INAFM1: variants seen among roughly 807,000 people sequenced by gnomAD.
INAFM1 encodes the protein InaF motif containing 1, also known as putative transmembrane protein INAFM1.
Under a neutral mutation model 9.4 loss-of-function variants are expected in INAFM1, and 11 were observed. The observed-to-expected ratio is 1.17, with a 90% CI of 0.74 to 1.94. The LOEUF is 1.94. INAFM1 is among the 30% of genes most tolerant of loss of function. The pLI, the probability that INAFM1 is intolerant of heterozygous loss-of-function variation, is 0.00. For synonymous variants in INAFM1, 161 were observed against 109.5 expected (o/e 1.47, Z -2.94); for missense variants, 318 against 221.6 (o/e 1.44, Z -2.76).
rs1313754249 is a variant in INAFM1, at chr19:47,275,011, C to G, written c.92C>G (p.Ala31Gly). ...CCGCGGGGGCGCTGGCTGCGCTTGG[C>G]TCCGGTATGCGCCTACTTCCTCTGC... ...EGPRGRWLRLAPVCAYFLCVS... is the reference protein window; with the variant it reads ...EGPRGRWLRLGPVCAYFLCVS... The change falls in exon 1 of 1, where the codon GCT (alanine) becomes GGT (glycine). Residue 31 changes from alanine (A) to glycine (G), a missense_variant. Physicochemically the swap from Ala to Gly is moderately conservative, Grantham distance 60 (BLOSUM62 0). Transcript: ENST00000552360. 6.8e-7 allele frequency: 1 copy of G among 1,479,440 alleles called. No individual in the cohort carries two copies. The highest frequency in any genetic ancestry group is 3.0e-5 in the East Asian group (1 of 33,622). The allele number at this position is 1,479,440 out of a possible 1,614,324, so 91.6% of individuals were successfully genotyped here. A position where few individuals can be genotyped will look rare whatever the true frequency, so the allele number is the denominator to read the frequency against.
Position 47,275,429 on chromosome 19 carries a change from G to A in INAFM1, c.*81G>A, listed in dbSNP as rs1600299285. ...CCGAGGATGCACCGTCTCTGGATTG[G>A]TCCGGCCTTCTTCCTAATGACATCG... On this transcript the variant is annotated 3_prime_UTR_variant, in exon 1 of 1. Coordinates refer to ENST00000552360, the MANE Select transcript of INAFM1 (RefSeq NM_178511.6). 2.1e-6 allele frequency: 3 copies of A among 1,456,780 alleles called. No homozygotes were observed. Among genetic ancestry groups the A allele is most frequent in the East Asian group, 5.9e-5 (2 of 34,090 alleles). The allele number at this position is 1,456,780 out of a possible 1,614,324, so 90.2% of individuals were successfully genotyped here. A position where few individuals can be genotyped will look rare whatever the true frequency, so the allele number is the denominator to read the frequency against.
chr19:47,275,534 T>A lies in INAFM1; in HGVS notation c.*186T>A. 4 of 789,812 alleles carry A rather than the reference T, an allele frequency of 5.1e-6. No individual in the cohort carries two copies. The highest frequency in any genetic ancestry group is 7.7e-6 in the Non-Finnish European group (4 of 517,686). The allele number at this position is 789,812 out of a possible 1,614,324, so 48.9% of individuals were successfully genotyped here. On this transcript the variant is annotated 3_prime_UTR_variant, in exon 1 of 1. Coordinates refer to ENST00000552360, the MANE Select transcript of INAFM1 (RefSeq NM_178511.6). Reference sequence around the variant, plus strand: ...TCGGGGCCTTGCCTCTTGCAGCTACTCTGTGGTCAGGCCGGGTCCTCCACC... The same window carrying A: ...TCGGGGCCTTGCCTCTTGCAGCTACACTGTGGTCAGGCCGGGTCCTCCACC...
chr19:47,275,680 G>A lies in INAFM1; in HGVS notation c.*332G>A, dbSNP rs142374177. On this transcript the variant is annotated 3_prime_UTR_variant, in exon 1 of 1. Coordinates refer to ENST00000552360, the MANE Select transcript of INAFM1 (RefSeq NM_178511.6). ...GAATCCGTGTCCATCTGCAATAAAC[G>A]ACAGCCTCGGCTGCCTCGTGCTGTG... The A allele has an allele frequency of 4.2e-4, 156 of 374,870 alleles. No homozygotes were observed. In the East Asian group the frequency reaches 7.8e-3, roughly 19 times the overall value. The allele number at this position is 374,870 out of a possible 1,614,324, so 23.2% of individuals were successfully genotyped here.
rs2059154533 is a variant in INAFM1, at chr19:47,275,511, G to A, written c.*163G>A. 11 of 1,010,316 alleles carry A rather than the reference G, an allele frequency of 1.1e-5. No homozygotes were observed. The East Asian group carries it at 2.8e-4, about 26-fold the overall frequency. The allele number at this position is 1,010,316 out of a possible 1,614,324, so 62.6% of individuals were successfully genotyped here. ...ATGGGGGCCCAGGGGGTGTCAGCTC[G>A]GGGCCTTGCCTCTTGCAGCTACTCT... On this transcript the variant is annotated 3_prime_UTR_variant, in exon 1 of 1. Coordinates refer to ENST00000552360, the MANE Select transcript of INAFM1 (RefSeq NM_178511.6).
chr19:47,275,135 G>T lies in INAFM1; in HGVS notation c.216G>T (p.Pro72=). The T allele has an allele frequency of 6.7e-7, 1 of 1,489,884 alleles. No individual in the cohort carries two copies. 92.3% of individuals were successfully genotyped at this position (1,489,884 alleles called of 1,614,324 possible). Residue 72 remains proline, a synonymous_variant, in exon 1 of 1, where the codon CCG becomes CCT. Transcript: ENST00000552360. ...CCGCCGGCCCACAGCCCAGCGCGCC[G>T]TCCCCTCCGTGTGCTGCCCGCCCGG... The part of the protein sequence containing the change: ...AAPAGPQPSA[P]SPPCAARPGV...
chr19:47,275,132 G>A lies in INAFM1; in HGVS notation c.213G>A (p.Ala71=), dbSNP rs1222730650. 16 of 1,489,916 alleles carry A rather than the reference G, an allele frequency of 1.1e-5. No homozygotes were observed. Among genetic ancestry groups the A allele is most frequent in the East Asian group, 5.8e-5 (2 of 34,724 alleles). The allele number at this position is 1,489,916 out of a possible 1,614,324, so 92.3% of individuals were successfully genotyped here. Residue 71 remains alanine, a synonymous_variant, in exon 1 of 1, where the codon GCG becomes GCA. Coordinates refer to ENST00000552360, the MANE Select transcript of INAFM1 (RefSeq NM_178511.6). ...CACCCGCCGGCCCACAGCCCAGCGC[G>A]CCGTCCCCTCCGTGTGCTGCCCGCC... ...PAAPAGPQPS[A]PSPPCAARPG...
chr19:47,275,183 C>T lies in INAFM1; in HGVS notation c.264C>T (p.Pro88=), dbSNP rs1032403033. 4 of 1,471,678 alleles carry T rather than the reference C, an allele frequency of 2.7e-6. No individual in the cohort carries two copies. Among genetic ancestry groups the T allele is most frequent in the Non-Finnish European group, 3.6e-6 (4 of 1,117,792 alleles). 91.2% of individuals were successfully genotyped at this position (1,471,678 alleles called of 1,614,324 possible). A position where few individuals can be genotyped will look rare whatever the true frequency, so the allele number is the denominator to read the frequency against. ...ARPGVPPVPA[P]AAASLSCLLG... is the part of the protein sequence containing the mutation. ...CGGGCGTGCCGCCTGTCCCGGCGCC[C>T]GCCGCTGCCTCCCTCTCCTGCCTCC... Residue 88 remains proline, a synonymous_variant, in exon 1 of 1, where the codon CCC becomes CCT. Transcript: ENST00000552360.
chr19:47,274,635 T>G, upstream of INAFM1: 7 of 172,934 alleles, frequency 4.0e-5, no homozygotes, highest in East Asian at 1.3e-4. Flanking sequence ...AGAACCGTGT[T>G]GTGGCGGGAG....
upstream of INAFM1, chr19:47,274,853 T>TG (rs1280964502): frequency 1.2e-6 from 1 of 840,110 alleles, no homozygotes; most frequent in East Asian, 9.9e-5. Flanking sequence ...GTCTGCGGGG[T>TG]GGGGGCGGGG....
Position 47,275,415 on chromosome 19 carries a change from C to T in INAFM1, c.*67C>T. On this transcript the variant is annotated 3_prime_UTR_variant, in exon 1 of 1. Coordinates refer to ENST00000552360, the MANE Select transcript of INAFM1 (RefSeq NM_178511.6). ...CTCTGTGCTCCACGCCGAGGATGCA[C>T]CGTCTCTGGATTGGTCCGGCCTTCT... 3 of 1,497,850 alleles carry T rather than the reference C, an allele frequency of 2.0e-6. No individual in the cohort carries two copies. The highest frequency in any genetic ancestry group is 2.7e-6 in the Non-Finnish European group (3 of 1,121,060). The allele number at this position is 1,497,850 out of a possible 1,614,324, so 92.8% of individuals were successfully genotyped here. A position where few individuals can be genotyped will look rare whatever the true frequency, so the allele number is the denominator to read the frequency against.
At position 47,275,088 on chromosome 19, in the gene INAFM1, C is replaced by G. The variant is rs1032331008; in HGVS notation, c.169C>G (p.Pro57Ala). ...CGTGTACTACGGTCTCATCTGGGTA[C>G]CCACGCGGTCTCCCGCGGCACCCGC... ...LAVYYGLIWV[P>A]TRSPAAPAGP... Residue 57 changes from proline (P) to alanine (A), a missense_variant, in exon 1 of 1, where the codon CCC becomes GCC. By Grantham distance (27) the Pro-to-Ala change is conservative. Coordinates refer to ENST00000552360, the MANE Select transcript of INAFM1 (RefSeq NM_178511.6). The G allele has an allele frequency of 2.7e-5, 40 of 1,495,188 alleles. No homozygotes were observed. The highest frequency in any genetic ancestry group is 3.1e-5 in the Non-Finnish European group (35 of 1,125,960). The allele number at this position is 1,495,188 out of a possible 1,614,324, so 92.6% of individuals were successfully genotyped here. A position where few individuals can be genotyped will look rare whatever the true frequency, so the allele number is the denominator to read the frequency against.
rs2059148970 is a variant in INAFM1, at chr19:47,275,073, G to T, written c.154G>T (p.Gly52Cys). 2.0e-6 allele frequency: 3 copies of T among 1,496,524 alleles called. No individual in the cohort carries two copies. Among genetic ancestry groups the T allele is most frequent in the Admixed American group, 2.2e-5 (1 of 45,484 alleles). 92.7% of individuals were successfully genotyped at this position (1,496,524 alleles called of 1,614,324 possible). ...LAAVLLAVYY[G>C]LIWVPTRSPA... is the part of the protein sequence containing the mutation. ...TGCCGTGCTGCTCGCCGTGTACTAC[G>T]GTCTCATCTGGGTACCCACGCGGTC... The change falls in exon 1 of 1, where the codon GGT (glycine) becomes TGT (cysteine). Residue 52 changes from glycine to cysteine, a missense_variant. By Grantham distance (159) the Gly-to-Cys change is radical. Coordinates refer to ENST00000552360, the MANE Select transcript of INAFM1 (RefSeq NM_178511.6).
At position 47,275,441 on chromosome 19, in the gene INAFM1, T is replaced by G; in HGVS notation, c.*93T>G. 1 of 1,424,446 alleles carries G rather than the reference T, an allele frequency of 7.0e-7. No homozygotes were observed. The highest frequency in any genetic ancestry group is 9.3e-7 in the Non-Finnish European group (1 of 1,079,708). 88.2% of individuals were successfully genotyped at this position (1,424,446 alleles called of 1,614,324 possible). ...CGTCTCTGGATTGGTCCGGCCTTCT[T>G]CCTAATGACATCGCTCAGCGTCTCT... On this transcript the variant is annotated 3_prime_UTR_variant, in exon 1 of 1. Transcript: ENST00000552360.
chr19:47,274,887 G>C lies in INAFM1; in HGVS notation c.-33G>C, dbSNP rs2059146685. The C allele has an allele frequency of 8.0e-7, 1 of 1,252,654 alleles. No homozygotes were observed. The highest frequency in any genetic ancestry group is 9.9e-7 in the Non-Finnish European group (1 of 1,005,878). 77.6% of individuals were successfully genotyped at this position (1,252,654 alleles called of 1,614,324 possible). ...GGCCTGGTGGGGGCGGGGCCTGTGC[G>C]GTCTGCGGCGCGGAGCCGAGTGGGC... On this transcript the variant is annotated 5_prime_UTR_variant, in exon 1 of 1. Coordinates refer to ENST00000552360, the MANE Select transcript of INAFM1 (RefSeq NM_178511.6).
chr19:47,275,243 G>C lies in INAFM1; in HGVS notation c.324G>C (p.Gln108His), dbSNP rs1233658694. The change falls in exon 1 of 1, where the codon CAG becomes CAC. Residue 108 changes from glutamine (Q) to histidine (H), a missense_variant. Physicochemically the swap from Gln to His is conservative, Grantham distance 24. Coordinates refer to ENST00000552360, the MANE Select transcript of INAFM1 (RefSeq NM_178511.6). ...CCGGCGGGCCGCGACCCCAGCTCCA[G>C]CTGCCGCTGAGCCGCCGCCGCCGCT... ...GVPGGPRPQL[Q>H]LPLSRRRRYS... 6.5e-7 allele frequency: 1 copy of C among 1,536,656 alleles called. No individual in the cohort carries two copies. The highest frequency in any genetic ancestry group is 2.0e-5 in the Admixed American group (1 of 50,410).
Position 47,275,140 on chromosome 19 carries a change from C to T in INAFM1, c.221C>T (p.Pro74Leu). 2 of 1,491,616 alleles carry T rather than the reference C, an allele frequency of 1.3e-6. No homozygotes were observed. The highest frequency in any genetic ancestry group is 2.5e-5 in the South Asian group (2 of 79,014). The allele number at this position is 1,491,616 out of a possible 1,614,324, so 92.4% of individuals were successfully genotyped here. Residue 74 changes from proline to leucine, a missense_variant, in exon 1 of 1, where the codon CCT becomes CTT. Physicochemically the swap from Pro to Leu is moderately conservative, Grantham distance 98 (BLOSUM62 -3). Coordinates refer to ENST00000552360, the MANE Select transcript of INAFM1 (RefSeq NM_178511.6). ...GGCCCACAGCCCAGCGCGCCGTCCC[C>T]TCCGTGTGCTGCCCGCCCGGGCGTG... The part of the protein sequence containing the change: ...PAGPQPSAPS[P>L]PCAARPGVPP...
In INAFM1 at chr19:47,275,080, T is replaced by G. The variant is rs991235334; in HGVS notation, c.161T>G (p.Ile54Ser). The G allele has an allele frequency of 1.3e-6, 2 of 1,496,186 alleles. No homozygotes were observed. Among genetic ancestry groups the G allele is most frequent in the Non-Finnish European group, 1.8e-6 (2 of 1,126,450 alleles). 92.7% of individuals were successfully genotyped at this position (1,496,186 alleles called of 1,614,324 possible). Reference protein sequence around the residue: ...AVLLAVYYGLIWVPTRSPAAP... With the variant: ...AVLLAVYYGLSWVPTRSPAAP... ...CTGCTCGCCGTGTACTACGGTCTCA[T>G]CTGGGTACCCACGCGGTCTCCCGCG... Residue 54 changes from isoleucine to serine, a missense_variant, in exon 1 of 1, where the codon ATC becomes AGC. Transcript: ENST00000552360.
chr19:47,275,365 A>G lies in INAFM1; in HGVS notation c.*17A>G. ...CCCGGGTAACTCTCCCTTCCACCCCAACCCGGATCGCCAGCCCTCGAGAGC... is the reference window on the plus strand; with the variant it reads ...CCCGGGTAACTCTCCCTTCCACCCCGACCCGGATCGCCAGCCCTCGAGAGC... On this transcript the variant is annotated 3_prime_UTR_variant, in exon 1 of 1. Coordinates refer to ENST00000552360, the MANE Select transcript of INAFM1 (RefSeq NM_178511.6). 3 of 1,532,878 alleles carry G rather than the reference A, an allele frequency of 2.0e-6. No homozygotes were observed. The highest frequency in any genetic ancestry group is 2.6e-6 in the Non-Finnish European group (3 of 1,138,846). 95.0% of individuals were successfully genotyped at this position (1,532,878 alleles called of 1,614,324 possible).
Position 47,275,546 on chromosome 19 carries a change from C to T in INAFM1, c.*198C>T. ...CTCTTGCAGCTACTCTGTGGTCAGG[C>T]CGGGTCCTCCACCATCAGGAAGATC... On this transcript the variant is annotated 3_prime_UTR_variant, in exon 1 of 1. Transcript: ENST00000552360. The T allele has an allele frequency of 1.5e-6, 1 of 686,616 alleles. No homozygotes were observed. The highest frequency in any genetic ancestry group is 2.3e-6 in the Non-Finnish European group (1 of 426,236). 42.5% of individuals were successfully genotyped at this position (686,616 alleles called of 1,614,324 possible). A position where few individuals can be genotyped will look rare whatever the true frequency, so the allele number is the denominator to read the frequency against.
Sources: allele counts gnomAD v4.1 joint callset, GRCh38; gene constraint gnomAD v4.1.1; transcripts MANE v1.5; gene names NCBI Gene and HGNC (gene_info 2026-07-23, HGNC 2026-07-21).